The following PARL variants were observed in gnomAD, a reference collection of about 807,000 sequenced individuals.
PARL encodes presenilin associated rhomboid like, also known as presenilin-associated rhomboid-like protein, mitochondrial.
PARL carries 44 observed loss-of-function variants against 51.6 expected under a neutral mutation model. The ratio of observed to expected loss-of-function variants is 0.85; its 90% confidence interval spans 0.67 to 1.10. The LOEUF is 1.10. PARL is among the 50% of genes least tolerant of loss of function. The pLI is 0.00. For missense variants in PARL, 441 were observed against 469.5 expected (o/e 0.94, Z 0.56); for synonymous variants, 172 against 164.0 (o/e 1.05, Z -0.37).
At chr3:183,869,610 T>C (rs1732942743) in intron 1 of PARL, among the ~76,000 whole-genome samples, 2 of 152,048 alleles carry the variant, frequency 1.3e-5, no homozygotes, top group South Asian at 2.1e-4. Flanking sequence ...ATTATATATA[T>C]AACGAACAAT....
intron 1 of PARL, among the ~76,000 whole-genome samples, chr3:183,881,433 T>C (rs1734426450): frequency 6.6e-6 from 1 of 152,352 alleles, no homozygotes; most frequent in African/African-American, 2.4e-5. Flanking sequence ...GTGCATTGTT[T>C]TTAAGAGTGC....
At chr3:183,840,381 A>T (rs1443419267) in intron 7 of PARL, among the ~76,000 whole-genome samples, 189 bp downstream of exon 7, 1 of 152,214 alleles carries the variant, frequency 6.6e-6, no homozygotes, top group Non-Finnish European at 1.5e-5. Context: ...AGCTTTACAA[A>T]TGTATAAATT....
In PARL at chr3:183,868,009, C is replaced by T. The variant is rs1732736854; in HGVS notation, c.177G>A (p.Lys59=). Residue 59 remains lysine, a synonymous_variant, in exon 2 of 10, where the codon AAG becomes AAA. Coordinates refer to ENST00000317096, the MANE Select transcript of PARL (RefSeq NM_018622.7). ...QKCGFRKAPR[K]VEPRRSDPGT... The stretch of plus-strand genomic sequence containing the variant: ...CTGGGTCTGATCTTCGAGGTTCAAC[C>T]TTCCTGGGTGCTTTTCTGAATCCGC... 1 of 1,614,082 alleles carries T rather than the reference C, an allele frequency of 6.2e-7. No homozygotes were observed. The highest frequency in any genetic ancestry group is 1.3e-5 in the African/African-American group (1 of 74,932).
At chr3:183,828,562 TA>T (rs1727590712), downstream of PARL, among the ~76,000 whole-genome samples, 1 of 152,200 alleles carries the variant, frequency 6.6e-6, no homozygotes, top group South Asian at 2.1e-4. Context: ...GGAAGAAGGA[TA>T]TGAAGGACTG....
intron 1 of PARL, among the ~76,000 whole-genome samples, chr3:183,873,546 C>T (rs1733459521): frequency 1.0e-5 from 1 of 99,984 alleles, no homozygotes; most frequent in African/African-American, 4.0e-5. Flanking sequence ...AAGACTCCGT[C>T]TCAAAAAAAA....
chr3:183,854,820 CAT>C (rs762583269), intron 4 of PARL, among the ~76,000 whole-genome samples: 2 of 141,502 alleles, frequency 1.4e-5, no homozygotes, highest in African/African-American at 5.3e-5. Flanking sequence ...GAAATGAAAA[CAT>C]ATGTCCACAC....
chr3:183,844,088 G>A, intron 5 of PARL, 143 bp downstream of exon 5: 1 of 711,898 alleles, frequency 1.4e-6, no homozygotes, highest in South Asian at 1.6e-5. Flanking sequence ...TGTCCTCAGT[G>A]AAGGAGCTTA....
intron 1 of PARL, among the ~76,000 whole-genome samples, chr3:183,880,984 T>G (rs1734370740): frequency 6.6e-6 from 1 of 151,988 alleles, no homozygotes; most frequent in South Asian, 2.1e-4. Context: ...CCACTAATTT[T>G]TTTTACTTTT....
chr3:183,870,331 T>C (rs1417400808), intron 1 of PARL, among the ~76,000 whole-genome samples: 1 of 149,562 alleles, frequency 6.7e-6, no homozygotes, highest in Non-Finnish European at 1.5e-5. Context: ...TTATTCTTAT[T>C]CAATTAAAAG....
In PARL at chr3:183,842,795, G is replaced by A. The variant is rs1435740417; in HGVS notation, c.608-348C>T. Among the ~76,000 whole-genome samples, 29 of 102,550 alleles carry A rather than the reference G, an allele frequency of 2.8e-4. 1 individual carries two copies. The Admixed American group carries it at 3.3e-3, about 12-fold the overall frequency. 67.3% of individuals were successfully genotyped at this position (102,550 alleles called of 152,430 possible). On this transcript the variant is annotated intron_variant, in intron 5 of 9. Transcript: ENST00000317096. ...TGCACTCCAGCCTGGGCCATAGAGC[G>A]AGACTCTATCTCAAAAAAAAAAAAA...
intron 1 of PARL, among the ~76,000 whole-genome samples, chr3:183,869,771 T>A (rs1353801472): frequency 6.6e-6 from 1 of 152,128 alleles, no homozygotes; most frequent in African/African-American, 2.4e-5. Context: ...CTTCTAAGCA[T>A]GTAAATGATT....
intron 7 of PARL, among the ~76,000 whole-genome samples, chr3:183,838,667 A>G (rs1728939837): frequency 6.6e-6 from 1 of 152,206 alleles, no homozygotes; most frequent in African/African-American, 2.4e-5. Context: ...GGAAACTGAA[A>G]TTCAGAGAAG....
chr3:183,840,548 A>T (rs1426436058), intron 7 of PARL, 22 bp downstream of exon 7: 1 of 1,211,800 alleles, frequency 8.3e-7, no homozygotes, highest in South Asian at 1.4e-5. Flanking sequence ...AATTAAAAAA[A>T]ATTTACAATA....
downstream of PARL, chr3:183,829,175 CTCGACTT>C: frequency 4.0e-6 from 1 of 247,104 alleles, no homozygotes; most frequent in South Asian, 6.1e-5. Context: ...AGGGGATACT[CTCGACTT>C]TTATGTGCAG....
At chr3:183,854,380 A>G (rs1484646211) in intron 4 of PARL, among the ~76,000 whole-genome samples, 3 of 152,244 alleles carry the variant, frequency 2.0e-5, no homozygotes, top group Admixed American at 1.3e-4. Flanking sequence ...AAAATGTGAT[A>G]TACACACAAA....
chr3:183,850,906 C>T (rs75885216), intron 4 of PARL, among the ~76,000 whole-genome samples: 2,979 of 152,242 alleles, frequency 0.02, 50 homozygotes, highest in Middle Eastern at 0.044. Flanking sequence ...ATTTACAACA[C>T]AAACCTACAG....
intron 4 of PARL, 105 bp from the exon 5 acceptor site, chr3:183,844,431 T>G: frequency 2.6e-6 from 2 of 781,988 alleles, no homozygotes; most frequent in Non-Finnish European, 4.4e-6. Context: ...GTAAGAGTAC[T>G]GTATACCTGG....
At chr3:183,872,000 ATT>A (rs11364933) in intron 1 of PARL, among the ~76,000 whole-genome samples, 3,507 of 122,564 alleles carry the variant, frequency 0.029, 88 homozygotes, top group African/African-American at 0.093. Flanking sequence ...CCTAGAATGC[ATT>A]TTTTTTTTTT....
intron 1 of PARL, among the ~76,000 whole-genome samples, chr3:183,881,829 C>T (rs1734464991): frequency 1.3e-5 from 2 of 152,066 alleles, no homozygotes; most frequent in Non-Finnish European, 2.9e-5. Flanking sequence ...ATTTTCTTGA[C>T]CCCATCGTGA....
Sources: gnomAD v4.1 joint callset for allele counts (sites outside exome capture counted in the v4.1 genomes callset) on GRCh38, gnomAD v4.1.1 for gene constraint, MANE v1.5 for transcripts, NCBI Gene and HGNC (gene_info 2026-07-23, HGNC 2026-07-21) for gene names.